LAIR2: variants seen among roughly 807,000 people sequenced by gnomAD.
LAIR2 encodes the protein leukocyte-associated immunoglobulin-like receptor 2.
Under a neutral mutation model 14.8 loss-of-function variants are expected in LAIR2, and 14 were observed. That is an observed-to-expected ratio of 0.95 (90% CI 0.62 to 1.48). The LOEUF (loss-of-function observed/expected upper bound fraction) is 1.48. Ranked by LOEUF, LAIR2 falls within the 40% of genes most tolerant of loss-of-function variation. The pLI is 0.00. For synonymous variants in LAIR2, 75 were observed against 74.5 expected, an observed-to-expected ratio of 1.01 and a Z score of -0.03; for missense variants, 172 against 180.9, an observed-to-expected ratio of 0.95 and a Z score of 0.28.
chr19:54,507,843 G>T (rs1325070689), intron 2 of LAIR2, 48 bp from the exon 3 acceptor site: 5 of 1,549,700 alleles, frequency 3.2e-6, no homozygotes, highest in Non-Finnish European at 4.4e-6. Flanking sequence ...GTGTGGCATG[G>T]TGACTTCCTA....
chr19:54,502,937 G>T lies in LAIR2; in HGVS notation c.19G>T (p.Ala7Ser), dbSNP rs2085301051. The change falls in exon 1 of 5, where the codon GCT becomes TCT. Residue 7 changes from alanine (A) to serine (S), a missense_variant. Ala to Ser is a moderately conservative substitution (Grantham distance 99, BLOSUM62 1). Coordinates refer to ENST00000301202, the MANE Select transcript of LAIR2 (RefSeq NM_002288.6). ...CGGGGCCATGTCTCCACACCTCACTGCTCTCCTGGGCCTAGGTGAGTCCTG... is the reference window on the plus strand; with the variant it reads ...CGGGGCCATGTCTCCACACCTCACTTCTCTCCTGGGCCTAGGTGAGTCCTG... MSPHLTALLGLVLCLAQ... is the reference protein window; with the variant it reads MSPHLTSLLGLVLCLAQ... 6.2e-7 allele frequency: 1 copy of T among 1,613,976 alleles called. No homozygotes were observed. The highest frequency in any genetic ancestry group is 1.1e-5 in the South Asian group (1 of 91,076).
chr19:54,505,016 A>G (rs2123390490), intron 2 of LAIR2, among the ~76,000 whole-genome samples: 1 of 152,282 alleles, frequency 6.6e-6, no homozygotes, highest in South Asian at 2.1e-4. Context: ...TGAATGACAG[A>G]ATGTCCTTCC....
At chr19:54,507,165 T>G (rs369861316) in intron 2 of LAIR2, among the ~76,000 whole-genome samples, 17 of 150,934 alleles carry the variant, frequency 1.1e-4, no homozygotes, top group African/African-American at 3.9e-4. Context: ...TTTCAGGGCG[T>G]CAAACCCGCC....
At chr19:54,508,362 C>T (rs892401816) in intron 3 of LAIR2, among the ~76,000 whole-genome samples, 178 bp downstream of exon 3, 24 of 151,848 alleles carry the variant, frequency 1.6e-4, no homozygotes, top group Non-Finnish European at 2.2e-4. Flanking sequence ...GCCCTCACAC[C>T]TGCTTAGGTC....
In LAIR2 at chr19:54,502,898, C is replaced by A. The variant is rs770370665; in HGVS notation, c.-21C>A. 1 of 1,614,088 alleles carries A rather than the reference C, an allele frequency of 6.2e-7. No homozygotes were observed. Among genetic ancestry groups the A allele is most frequent in the African/African-American group, 1.3e-5 (1 of 75,032 alleles). ...ACATCCTGTCTGCTTGTGTCTGCTG[C>A]AGAGTTCTGGGACCGGGGCCATGTC... On this transcript the variant is annotated 5_prime_UTR_variant, in exon 1 of 5. Coordinates refer to ENST00000301202, the MANE Select transcript of LAIR2 (RefSeq NM_002288.6).
Position 54,508,120 on chromosome 19 carries a change from C to T in LAIR2, c.300C>T (p.Arg100=), listed in dbSNP as rs2085400562. ...SVSEGNAGLY[R]CLYYKPPGWS... is the part of the protein sequence containing the mutation. The stretch of plus-strand genomic sequence containing the variant: ...GTGAAGGAAATGCCGGGCTTTATCG[C>T]TGCCTCTATTATAAGCCCCCTGGAT... The change falls in exon 3 of 5, where the codon CGC becomes CGT. Residue 100 remains arginine, a synonymous_variant. Coordinates refer to ENST00000301202, the MANE Select transcript of LAIR2 (RefSeq NM_002288.6). 6.2e-7 allele frequency: 1 copy of T among 1,614,074 alleles called. No homozygotes were observed. Among genetic ancestry groups the T allele is most frequent in the South Asian group, 1.1e-5 (1 of 91,090 alleles).
chr19:54,503,431 G>C (rs142983477), intron 1 of LAIR2, among the ~76,000 whole-genome samples: 3 of 147,956 alleles, frequency 2.0e-5, no homozygotes, highest in Admixed American at 6.9e-5. Context: ...GCACTCTAGC[G>C]TGGGCGACAA....
chr19:54,503,424 C>G (rs8106825), intron 1 of LAIR2, among the ~76,000 whole-genome samples: 3,066 of 150,866 alleles, frequency 0.02, 113 homozygotes, highest in African/African-American at 0.07. Context: ...CGCCACTGCA[C>G]TCTAGCGTGG....
chr19:54,503,705 T>C lies in LAIR2; in HGVS notation c.40T>C (p.Cys14Arg). The C allele has an allele frequency of 6.2e-7, 1 of 1,614,048 alleles. No individual in the cohort carries two copies. Among genetic ancestry groups the C allele is most frequent in the Non-Finnish European group, 8.5e-7 (1 of 1,179,972 alleles). The change falls in exon 2 of 5, where the codon TGC (cysteine) becomes CGC (arginine). Residue 14 changes from cysteine (C) to arginine (R), a missense_variant. Coordinates refer to ENST00000301202, the MANE Select transcript of LAIR2 (RefSeq NM_002288.6). ...CACTGGGGCTTCTCTTCCAGTGCTC[T>C]GCCTGGCCCAGACCATCCACACGCA... The part of the protein sequence containing the change: ...HLTALLGLVL[C>R]LAQTIHTQEG...
At chr19:54,504,492 C>G (rs2085329305) in intron 2 of LAIR2, among the ~76,000 whole-genome samples, 1 of 142,876 alleles carries the variant, frequency 7.0e-6, no homozygotes, top group Non-Finnish European at 1.6e-5. Context: ...ATCTCAAAAA[C>G]TTACTCCTCC....
chr19:54,505,935 G>A (rs1335491429), intron 2 of LAIR2, among the ~76,000 whole-genome samples: 3 of 150,858 alleles, frequency 2.0e-5, no homozygotes, highest in Non-Finnish European at 4.4e-5. Context: ...AATTCTCCCT[G>A]CCTCAACCTC....
Position 54,503,657 on chromosome 19 carries a change from G to T in LAIR2, c.35-43G>T, listed in dbSNP as rs371782323. ...CCTTTTGACAGCAGCCCTGTAAGGAGACTGGGCAGTGGGCATTTTTCTCAC... is the reference window on the plus strand; with the variant it reads ...CCTTTTGACAGCAGCCCTGTAAGGATACTGGGCAGTGGGCATTTTTCTCAC... On this transcript the variant is annotated intron_variant, in intron 1 of 4. Transcript: ENST00000301202. The T allele has an allele frequency of 2.9e-5, 46 of 1,613,216 alleles. No homozygotes were observed. The African/African-American group carries it at 3.7e-4, about 13-fold the overall frequency.
intron 2 of LAIR2, among the ~76,000 whole-genome samples, chr19:54,505,032 T>C (rs922957126): frequency 6.6e-6 from 1 of 152,220 alleles, no homozygotes; most frequent in African/African-American, 2.4e-5. Flanking sequence ...CTTCCTTTTT[T>C]AGGGCTGAAT....
chr19:54,509,887 G>T (rs142643945), intron 4 of LAIR2, among the ~76,000 whole-genome samples: 2 of 151,148 alleles, frequency 1.3e-5, no homozygotes, highest in Non-Finnish European at 1.5e-5. Flanking sequence ...AGGACACGGG[G>T]TCATAAGCCA....
Position 54,507,982 on chromosome 19 carries a change from G to T in LAIR2, c.162G>T (p.Gly54=). The T allele has an allele frequency of 1.2e-6, 2 of 1,614,160 alleles. No homozygotes were observed. Among genetic ancestry groups the T allele is most frequent in the Non-Finnish European group, 1.7e-6 (2 of 1,180,028 alleles). ...HVTFMCRGPV[G]VQTFRLERED... Reference sequence around the variant, plus strand: ...CTTTCATGTGCCGGGGCCCGGTTGGGGTTCAAACATTCCGCCTGGAGAGGG... The same window carrying T: ...CTTTCATGTGCCGGGGCCCGGTTGGTGTTCAAACATTCCGCCTGGAGAGGG... Residue 54 remains glycine (G), a synonymous_variant, in exon 3 of 5, where the codon GGG becomes GGT. Transcript: ENST00000301202.
chr19:54,505,168 C>G (rs1331970656), intron 2 of LAIR2, among the ~76,000 whole-genome samples: 1 of 152,132 alleles, frequency 6.6e-6, no homozygotes, highest in Non-Finnish European at 1.5e-5. Context: ...GGAGTGCAGG[C>G]ATCACCTCCA....
In LAIR2 at chr19:54,505,453, C is replaced by G. The variant is rs550457022; in HGVS notation, c.70+1718C>G. 7.8e-4 allele frequency among the ~76,000 whole-genome samples: 119 copies of G among 152,208 alleles called. No homozygotes were observed. In the Middle Eastern group the frequency reaches 0.027, roughly 35 times the overall value. Reference sequence around the variant, plus strand: ...CCCAGGTGACAGCCCTTCTCCCCTCCGTGGCTCCCCGAGGCCGGCCTCAGC... The same window carrying G: ...CCCAGGTGACAGCCCTTCTCCCCTCGGTGGCTCCCCGAGGCCGGCCTCAGC... On this transcript the variant is annotated intron_variant, in intron 2 of 4. Transcript: ENST00000301202.
intron 2 of LAIR2, among the ~76,000 whole-genome samples, chr19:54,507,551 C>G (rs1449962503): frequency 1.3e-5 from 2 of 151,942 alleles, no homozygotes; most frequent in Non-Finnish European, 2.9e-5. Context: ...GTGTGCCTCC[C>G]TCCCACCCTC....
At chr19:54,505,607 T>C (rs752747909) in intron 2 of LAIR2, among the ~76,000 whole-genome samples, 19 of 152,122 alleles carry the variant, frequency 1.2e-4, no homozygotes, top group Non-Finnish European at 2.4e-4. Flanking sequence ...TAATATCTCA[T>C]CGTAAGATGA....
Sources: gnomAD v4.1 joint callset for allele counts (sites outside exome capture counted in the v4.1 genomes callset) on GRCh38, gnomAD v4.1.1 for gene constraint, MANE v1.5 for transcripts, NCBI Gene and HGNC (gene_info 2026-07-23, HGNC 2026-07-21) for gene names.